ETNK1: variants seen among roughly 807,000 people sequenced by gnomAD.
The protein encoded by ETNK1 is putative protein product of Nbla10396.
A neutral mutation model predicts 45.1 loss-of-function variants in ETNK1; 8 were observed. That is an observed-to-expected ratio of 0.18 (90% CI 0.10 to 0.32). The LOEUF is 0.32. ETNK1 is among the 10% of genes least tolerant of loss of function. The pLI is 1.00. For synonymous variants in ETNK1, 152 were observed against 151.9 expected (o/e 1.00, Z -0.01); for missense variants, 302 against 430.6 (o/e 0.70, Z 2.64).
chr12:22,626,361 TTTTAGC>T (rs1953497183), intron 1 of ETNK1, among the ~76,000 whole-genome samples: 1 of 152,188 alleles, frequency 6.6e-6, no homozygotes, highest in South Asian at 2.1e-4. Context: ...ACTAATCTGT[TTTTAGC>T]TTTAGTTTCA....
At chr12:22,632,717 G>T (rs1953596382) in intron 1 of ETNK1, among the ~76,000 whole-genome samples, 1 of 152,066 alleles carries the variant, frequency 6.6e-6, no homozygotes, top group Admixed American at 6.6e-5. Flanking sequence ...TACCAGGCTG[G>T]TCTTAAACTC....
intron 3 of ETNK1, 127 bp from the exon 4 acceptor site, chr12:22,660,936 G>A (rs1953993092): frequency 1.4e-6 from 1 of 711,076 alleles, no homozygotes; most frequent in East Asian, 3.1e-5. Flanking sequence ...AGAATAATTG[G>A]TCTGTTGTTT....
chr12:22,643,713 A>G (rs1218722558), intron 1 of ETNK1, 50 bp from the exon 2 acceptor site: 1 of 1,498,564 alleles, frequency 6.7e-7, no homozygotes, highest in East Asian at 2.3e-5. Context: ...CCTGTTCTCT[A>G]AAGATAGATA....
In ETNK1 at chr12:22,625,876, C is replaced by T. The variant is rs1450606472; in HGVS notation, c.156+290C>T. On this transcript the variant is annotated intron_variant, in intron 1 of 7. Transcript: ENST00000266517. Reference sequence around the variant, plus strand: ...AGATTCCTGCTGATAGTTGCCCCTCCTCCCACTCCCCAGTCCACGGTCACT... The same window carrying T: ...AGATTCCTGCTGATAGTTGCCCCTCTTCCCACTCCCCAGTCCACGGTCACT... 5 of 656,952 alleles carry T rather than the reference C, an allele frequency of 7.6e-6. No individual in the cohort carries two copies. The Admixed American group carries it at 1.0e-4, about 14-fold the overall frequency. 40.7% of individuals were successfully genotyped at this position (656,952 alleles called of 1,614,324 possible).
chr12:22,642,251 G>A (rs899855996), intron 1 of ETNK1, among the ~76,000 whole-genome samples: 1 of 152,026 alleles, frequency 6.6e-6, no homozygotes, highest in South Asian at 2.1e-4. Context: ...TATGACATAT[G>A]AAGAAGTTAC....
intron 2 of ETNK1, among the ~76,000 whole-genome samples, chr12:22,650,745 T>C (rs1225427144): frequency 1.3e-5 from 2 of 152,014 alleles, no homozygotes; most frequent in African/African-American, 2.4e-5. Flanking sequence ...TTTAAATAAA[T>C]AGGAAATATA....
At chr12:22,630,669 G>A (rs1953566657) in intron 1 of ETNK1, among the ~76,000 whole-genome samples, 1 of 152,010 alleles carries the variant, frequency 6.6e-6, no homozygotes, top group Non-Finnish European at 1.5e-5. Flanking sequence ...GGAGTGCAGT[G>A]GTGTGATCTC....
chr12:22,661,592 G>T (rs1953999754), intron 4 of ETNK1, among the ~76,000 whole-genome samples: 1 of 152,100 alleles, frequency 6.6e-6, no homozygotes, highest in African/African-American at 2.4e-5. Flanking sequence ...TTTATAAATA[G>T]AAAAATTTTC....
Position 22,687,313 on chromosome 12 carries a change from G to C in ETNK1, c.*2359G>C, listed in dbSNP as rs1486359993. ...TCTAAAGGAGGGTAAATCTCAAAGT[G>C]CTCTGAAATCATCCCTCTAAAATCT... is the stretch of plus-strand genomic sequence containing the variant. On this transcript the variant is annotated 3_prime_UTR_variant, in exon 8 of 8. Coordinates refer to ENST00000266517, the MANE Select transcript of ETNK1 (RefSeq NM_018638.5). 6.6e-6 allele frequency: 1 copy of C among 152,146 alleles called. No homozygotes were observed. The highest frequency in any genetic ancestry group is 1.5e-5 in the Non-Finnish European group (1 of 67,744). The allele number at this position is 152,146 out of a possible 1,614,324, so 9.4% of individuals were successfully genotyped here. A position where few individuals can be genotyped will look rare whatever the true frequency, so the allele number is the denominator to read the frequency against.
At chr12:22,645,347 AT>A (rs1343731877) in intron 2 of ETNK1, among the ~76,000 whole-genome samples, 1 of 151,866 alleles carries the variant, frequency 6.6e-6, no homozygotes, top group Non-Finnish European at 1.5e-5. Context: ...GTAAAACATG[AT>A]TGATCTATTT....
At chr12:22,630,532 A>G (rs1953563085) in intron 1 of ETNK1, among the ~76,000 whole-genome samples, 1 of 152,204 alleles carries the variant, frequency 6.6e-6, no homozygotes, top group South Asian at 2.1e-4. Context: ...AAGGCAATGA[A>G]GCTAGACTTT....
rs960516880 is a variant in ETNK1 at position 22,686,342 on chromosome 12, G to A, written c.*1388G>A. The A allele has an allele frequency of 2.0e-5, 3 of 152,308 alleles. No individual in the cohort carries two copies. The highest frequency in any genetic ancestry group is 2.9e-5 in the Non-Finnish European group (2 of 67,822). The allele number at this position is 152,308 out of a possible 1,614,324, so 9.4% of individuals were successfully genotyped here. A position where few individuals can be genotyped will look rare whatever the true frequency, so the allele number is the denominator to read the frequency against. ...TTTACTTAGAAAATTAGTCTGACAA[G>A]CTTTGCACTTCGGTCACATAAGTGC... On this transcript the variant is annotated 3_prime_UTR_variant, in exon 8 of 8. Coordinates refer to ENST00000266517, the MANE Select transcript of ETNK1 (RefSeq NM_018638.5).
At chr12:22,643,042 C>A (rs1953758386) in intron 1 of ETNK1, among the ~76,000 whole-genome samples, 1 of 151,964 alleles carries the variant, frequency 6.6e-6, no homozygotes, top group African/African-American at 2.4e-5. Flanking sequence ...CCATAGAAAT[C>A]TCTACTTACC....
chr12:22,673,469 A>T, intron 5 of ETNK1, 31 bp from the exon 6 acceptor site: 1 of 1,528,966 alleles, frequency 6.5e-7, no homozygotes, highest in Non-Finnish European at 8.8e-7. Flanking sequence ...ATGTTTTAAA[A>T]TTTTTGAGTG....
rs891877999 is a variant in ETNK1, at chr12:22,686,002, A to C, written c.*1048A>C. ...AGTTTGATTCTATGTTTTTAGACTGATAGCAAATGATTACTTGATACATGT... is the reference window on the plus strand; with the variant it reads ...AGTTTGATTCTATGTTTTTAGACTGCTAGCAAATGATTACTTGATACATGT... On this transcript the variant is annotated 3_prime_UTR_variant, in exon 8 of 8. Coordinates refer to ENST00000266517, the MANE Select transcript of ETNK1 (RefSeq NM_018638.5). The C allele has an allele frequency of 5.9e-5, 9 of 152,294 alleles. No homozygotes were observed. The highest frequency in any genetic ancestry group is 2.2e-4 in the African/African-American group (9 of 41,408). 9.4% of individuals were successfully genotyped at this position (152,294 alleles called of 1,614,324 possible).
At position 22,639,836 on chromosome 12, in the gene ETNK1, T is replaced by C. The variant is rs112583400; in HGVS notation, c.157-3927T>C. ...ACCATTATAAAATTACCTATCAATC[T>C]TTCATCTAATGGTTTTATTCATTGA... On this transcript the variant is annotated intron_variant, in intron 1 of 7. Coordinates refer to ENST00000266517, the MANE Select transcript of ETNK1 (RefSeq NM_018638.5). Among the ~76,000 whole-genome samples, 1,058 of 152,320 alleles carry C rather than the reference T, an allele frequency of 6.9e-3. 15 individuals carry two copies. Among genetic ancestry groups the C allele is most frequent in the African/African-American group, 0.024 (985 of 41,568 alleles).
At position 22,684,625 on chromosome 12, in the gene ETNK1, A is replaced by G. The variant is rs889308777; in HGVS notation, c.1019+69A>G. 5.6e-6 allele frequency: 6 copies of G among 1,076,014 alleles called. No individual in the cohort carries two copies. In the Admixed American group the frequency reaches 1.0e-4, roughly 18 times the overall value. 66.7% of individuals were successfully genotyped at this position (1,076,014 alleles called of 1,614,324 possible). On this transcript the variant is annotated intron_variant, in intron 7 of 7. Coordinates refer to ENST00000266517, the MANE Select transcript of ETNK1 (RefSeq NM_018638.5). Reference sequence around the variant, plus strand: ...GTTTGGATTAACATTAAGAATTCACAGGGAATATTGTAGTTATTTGCAATC... The same window carrying G: ...GTTTGGATTAACATTAAGAATTCACGGGGAATATTGTAGTTATTTGCAATC...
At chr12:22,675,362 A>G (rs574762673) in intron 6 of ETNK1, among the ~76,000 whole-genome samples, 1 of 151,814 alleles carries the variant, frequency 6.6e-6, no homozygotes, top group Admixed American at 6.6e-5. Context: ...TGCCAGACCT[A>G]TTTTTTTATT....
chr12:22,678,888 A>T (rs1209189289), intron 6 of ETNK1, among the ~76,000 whole-genome samples: 1 of 152,214 alleles, frequency 6.6e-6, no homozygotes, highest in Non-Finnish European at 1.5e-5. Flanking sequence ...AGTGTTCAGA[A>T]TGTCAAACTG....
Sources: gnomAD v4.1 joint callset for allele counts (sites outside exome capture counted in the v4.1 genomes callset) on GRCh38, gnomAD v4.1.1 for gene constraint, MANE v1.5 for transcripts, NCBI Gene and HGNC (gene_info 2026-07-23, HGNC 2026-07-21) for gene names.